The following RGPD1 variants were observed in gnomAD, a reference collection of about 807,000 sequenced individuals.
RGPD1 encodes the protein RANBP2-like and GRIP domain-containing protein 1.
In RGPD1, 7 loss-of-function variants were observed where a neutral mutation model predicts 40.6. That is an observed-to-expected ratio of 0.17 (90% confidence interval 0.10 to 0.32). The LOEUF is 0.32. RGPD1 is among the 10% of genes least tolerant of loss of function. RGPD1 has a pLI of 1.00. For missense variants in RGPD1, 50 were observed against 472.5 expected, an observed-to-expected ratio of 0.11 and a Z score of 8.29; for synonymous variants, 24 against 167.0, an observed-to-expected ratio of 0.14 and a Z score of 6.60.
chr2:86,984,692 T>C, intron 18 of RGPD1, 62 bp from the exon 19 acceptor site: 1 of 190,910 alleles, frequency 5.2e-6, no homozygotes, highest in African/African-American at 2.5e-4. Flanking sequence ...CTTGCCTAGA[T>C]AGTCTTAACT....
chr2:86,914,156 G>GGCGGCC (rs1677610643), intron 1 of RGPD1, among the ~76,000 whole-genome samples: 1 of 79,178 alleles, frequency 1.3e-5, no homozygotes, highest in Non-Finnish European at 2.5e-5. Context: ...CGGCGGCGGC[G>GGCGGCC]GCGGCCTCGG....
At chr2:86,929,689 CTTTTTTTTTTTT>C (rs753911867) in intron 1 of RGPD1, among the ~76,000 whole-genome samples, 3 of 52,632 alleles carry the variant, frequency 5.7e-5, no homozygotes, top group Admixed American at 2.2e-4. Context: ...AGCCCACACT[CTTTTTTTTTTTT>C]TTTTTTTTTT....
chr2:86,943,533 G>C (rs991162772), intron 1 of RGPD1, among the ~76,000 whole-genome samples: 10 of 152,046 alleles, frequency 6.6e-5, no homozygotes, highest in African/African-American at 2.4e-4. Flanking sequence ...GTTTGCTTTG[G>C]CTTGAATAAT....
upstream of RGPD1, among the ~76,000 whole-genome samples, chr2:86,938,951 T>C (rs1679533495): frequency 8.1e-6 from 1 of 123,308 alleles, no homozygotes; most frequent in Non-Finnish European, 1.7e-5. Context: ...AAAAACATAG[T>C]ATCTGTGAAG....
At chr2:86,940,941 C>A (rs887483248), upstream of RGPD1, among the ~76,000 whole-genome samples, 1 of 152,180 alleles carries the variant, frequency 6.6e-6, no homozygotes, top group Non-Finnish European at 1.5e-5. Flanking sequence ...AGCTCAGAAT[C>A]ATCTTTTTCT....
At chr2:86,939,914 C>CT (rs1352707668), upstream of RGPD1, among the ~76,000 whole-genome samples, 2 of 53,720 alleles carry the variant, frequency 3.7e-5, no homozygotes, top group African/African-American at 1.1e-4. Flanking sequence ...TTTAATTTCT[C>CT]TTTTTTTGTA....
rs1438970766 is a variant in RGPD1, at chr2:86,943,273, G to A, written c.72+965G>A. On this transcript the variant is annotated intron_variant, in intron 1 of 22. Transcript: ENST00000641458. The stretch of plus-strand genomic sequence containing the variant: ...AACTCCACTCATACTCACCTCCCTC[G>A]CCCCCCCCCCACCCCGCCCAGAACA... Among the ~76,000 whole-genome samples the A allele has an allele frequency of 1.2e-4, 9 of 74,688 alleles. No individual in the cohort carries two copies. In the East Asian group the frequency reaches 2.5e-3, roughly 20 times the overall value. The allele number at this position is 74,688 out of a possible 152,430, so 49.0% of individuals were successfully genotyped here. A position where few individuals can be genotyped will look rare whatever the true frequency, so the allele number is the denominator to read the frequency against.
chr2:86,930,358 G>A lies in RGPD1; in HGVS notation c.72+16437G>A, dbSNP rs1310481807. On this transcript the variant is annotated intron_variant, in intron 1 of 22. Transcript: ENST00000398193. ...GGGGGGCGGGGGGTGGTGCCTGGGC[G>A]GTGAACCACATCCTCGTAGGCTGGG... The A allele has an allele frequency of 2.1e-5, 26 of 1,264,184 alleles. 1 individual carries two copies. The Admixed American group carries it at 3.6e-4, about 18-fold the overall frequency. 78.3% of individuals were successfully genotyped at this position (1,264,184 alleles called of 1,614,324 possible). A position where few individuals can be genotyped will look rare whatever the true frequency, so the allele number is the denominator to read the frequency against.
chr2:86,942,392 C>T (rs1289346856), intron 1 of RGPD1, 84 bp downstream of exon 1: 46 of 785,004 alleles, frequency 5.9e-5, no homozygotes, highest in African/African-American at 1.1e-4. Flanking sequence ...TCGACCTGGC[C>T]GGGCGGCGGC....
intron 1 of RGPD1, among the ~76,000 whole-genome samples, chr2:86,942,731 A>C (rs1252435522): frequency 6.7e-6 from 1 of 149,750 alleles, no homozygotes; most frequent in Non-Finnish European, 1.5e-5. Flanking sequence ...TCGATGGCTC[A>C]GGCGTCATGG....
chr2:86,924,097 G>GTT (rs1678265035), intron 1 of RGPD1, among the ~76,000 whole-genome samples: 1 of 78,146 alleles, frequency 1.3e-5, no homozygotes. Flanking sequence ...TTTTTTTTAA[G>GTT]TCATGAATAA....
At position 86,942,425 on chromosome 2, in the gene RGPD1, C is replaced by T. The variant is rs1220424978; in HGVS notation, c.72+117C>T. ...GGCCTCGATGGCTCAGGCGTCATGG[C>T]TCCCGACGGGCGCTGCTCCCTGGCG... is the stretch of plus-strand genomic sequence containing the variant. On this transcript the variant is annotated intron_variant, in intron 1 of 22. Coordinates refer to ENST00000641458, the MANE Select transcript of RGPD1 (RefSeq NM_001382344.1). 25 of 1,125,646 alleles carry T rather than the reference C, an allele frequency of 2.2e-5. 5 individuals are homozygous for T. The South Asian group carries it at 3.9e-4, about 18-fold the overall frequency. The allele number at this position is 1,125,646 out of a possible 1,614,324, so 69.7% of individuals were successfully genotyped here. A position where few individuals can be genotyped will look rare whatever the true frequency, so the allele number is the denominator to read the frequency against.
At chr2:86,944,380 C>A (rs1192703101) in intron 1 of RGPD1, among the ~76,000 whole-genome samples, 2 of 151,704 alleles carry the variant, frequency 1.3e-5, no homozygotes, top group African/African-American at 2.4e-5. Flanking sequence ...TCCTGTAACT[C>A]CTGAAATTAA....
At position 86,914,332 on chromosome 2, in the gene RGPD1, GGGCGGCGGCGGCGGC is replaced by G. The variant is rs1247052388; in HGVS notation, c.72+430_72+444del. On this transcript the variant is annotated intron_variant, in intron 1 of 22. Coordinates refer to the RGPD1 transcript ENST00000398193. ...CGGCGGCGGCGGCCTCGGCCTGGCC[GGGCGGCGGCGGCGGC>G]GGCGGCGGCGGCGGCGGCCTCGACC... Among the ~76,000 whole-genome samples, 3 of 11,014 alleles carry G rather than the reference GGGCGGCGGCGGCGGC, an allele frequency of 2.7e-4. No individual in the cohort carries two copies. The African/African-American group carries it at 2.8e-3, about 10-fold the overall frequency. 7.2% of individuals were successfully genotyped at this position (11,014 alleles called of 152,430 possible).
intron 22 of RGPD1, among the ~76,000 whole-genome samples, chr2:87,000,645 T>A (rs1573652508): frequency 1.2e-5 from 1 of 86,822 alleles, no homozygotes; most frequent in Admixed American, 1.1e-4. Flanking sequence ...TACCTTACAT[T>A]TTCTCTTTAA....
chr2:86,913,961 G>A lies in RGPD1; in HGVS notation c.72+40G>A, dbSNP rs76797761. On this transcript the variant is annotated intron_variant, in intron 1 of 22. Coordinates refer to the RGPD1 transcript ENST00000398193. ...AAGAGACCGACGGCCTCGACCTGGC[G>A]GGGCGGTGGCCTCGACCTGGCCGGG... 5 of 884,298 alleles carry A rather than the reference G, an allele frequency of 5.7e-6. No homozygotes were observed. The East Asian group carries it at 2.0e-4, about 34-fold the overall frequency. The allele number at this position is 884,298 out of a possible 1,614,324, so 54.8% of individuals were successfully genotyped here. A position where few individuals can be genotyped will look rare whatever the true frequency, so the allele number is the denominator to read the frequency against.
At chr2:87,011,939 TTTTA>T (rs955226990) in intron 22 of RGPD1, among the ~76,000 whole-genome samples, 2 of 23,272 alleles carry the variant, frequency 8.6e-5, no homozygotes, top group Admixed American at 4.7e-4. Flanking sequence ...GAAAGGCAGG[TTTTA>T]TTTCTGGTTC....
chr2:86,951,873 G>GTTT (rs71269535), intron 2 of RGPD1, among the ~76,000 whole-genome samples: 8,186 of 50,366 alleles, frequency 0.16, 767 homozygotes, highest in East Asian at 0.19. Context: ...GGGAGGCAGG[G>GTTT]TTTTTTTTTT....
chr2:86,936,158 A>G (rs1297424396), intron 1 of RGPD1, among the ~76,000 whole-genome samples: 2 of 131,592 alleles, frequency 1.5e-5, no homozygotes, highest in Non-Finnish European at 3.4e-5. Flanking sequence ...GGCGCATGCC[A>G]CCATGCCCAG....
Sources: allele counts gnomAD v4.1 joint callset (sites outside exome capture counted in the v4.1 genomes callset), GRCh38; gene constraint gnomAD v4.1.1; transcripts MANE v1.5; gene names NCBI Gene and HGNC (gene_info 2026-07-23, HGNC 2026-07-21).